WIPF1: variants seen among roughly 807,000 people sequenced by gnomAD.
WIPF1 encodes WAS/WASL-interacting protein family member 1.
A neutral mutation model predicts 35.4 loss-of-function variants in WIPF1; 13 were observed. That is an observed-to-expected ratio of 0.37 (90% confidence interval 0.24 to 0.58). The LOEUF is 0.58. Ranked by LOEUF, WIPF1 falls within the 20% of genes least tolerant of loss-of-function variation. The pLI, the probability that WIPF1 is intolerant of heterozygous loss-of-function variation, is 0.74. For missense variants in WIPF1, 591 were observed against 667.0 expected, an observed-to-expected ratio of 0.89 and a Z score of 1.25; for synonymous variants, 267 against 266.3, an observed-to-expected ratio of 1.00 and a Z score of -0.02.
intron 4 of WIPF1, chr2:174,574,964 A>AC (rs1684997162): frequency 1.4e-6 from 1 of 737,410 alleles, no homozygotes. Flanking sequence ...AAAAAAAAAA[A>AC]AATGTACAGG....
Position 174,572,013 on chromosome 2 carries a change from G to A in WIPF1, c.792C>T (p.Pro264=). The A allele has an allele frequency of 1.3e-6, 2 of 1,546,392 alleles. No homozygotes were observed. ...TGCCCACTGGAGGAGGTGGTGGAGGGGGTTTGTCATCCAAGGCCCTGCTGG... is the reference window on the plus strand; with the variant it reads ...TGCCCACTGGAGGAGGTGGTGGAGGAGGTTTGTCATCCAAGGCCCTGCTGG... ...PTPSRALDDK[P]PPPPPPVGNR... The change falls in exon 5 of 8, where the codon CCC becomes CCT. Residue 264 remains proline (P), a synonymous_variant. Coordinates refer to ENST00000679041, the MANE Select transcript of WIPF1 (RefSeq NM_001375834.1).
intron 1 of WIPF1, among the ~76,000 whole-genome samples, chr2:174,640,735 A>G (rs1468073946): frequency 2.0e-5 from 3 of 151,792 alleles, no homozygotes; most frequent in Non-Finnish European, 4.4e-5. Context: ...TACATAAGGT[A>G]TATCTCCTAA....
At chr2:174,602,580 G>A (rs1002664057), upstream of WIPF1, among the ~76,000 whole-genome samples, 3 of 152,174 alleles carry the variant, frequency 2.0e-5, no homozygotes, top group Non-Finnish European at 4.4e-5. Context: ...TGCATTAGTT[G>A]TAAGAATCTA....
At chr2:174,589,619 A>C (rs969591933) in intron 1 of WIPF1, among the ~76,000 whole-genome samples, 1 of 140,582 alleles carries the variant, frequency 7.1e-6, no homozygotes, top group Non-Finnish European at 1.6e-5. Flanking sequence ...TCAAGGGTTC[A>C]TGAACTTGTA....
chr2:174,653,659 G>A (rs542715141), intron 1 of WIPF1, among the ~76,000 whole-genome samples: 12 of 150,488 alleles, frequency 8.0e-5, no homozygotes, highest in South Asian at 2.1e-4. Context: ...GGAGAATGGC[G>A]TGAACCTGGG....
intron 1 of WIPF1, among the ~76,000 whole-genome samples, chr2:174,608,121 C>T (rs1194004502): frequency 5.9e-5 from 9 of 152,110 alleles, no homozygotes; most frequent in Admixed American, 3.3e-4. Flanking sequence ...CTCTTTCTCA[C>T]GCAGGGCTGT....
chr2:174,567,654 C>T (rs1157422821), intron 6 of WIPF1, among the ~76,000 whole-genome samples: 5 of 152,168 alleles, frequency 3.3e-5, no homozygotes, highest in Admixed American at 2.6e-4. Context: ...AAAAATGATC[C>T]GCCTTTTTGG....
chr2:174,667,380 G>C (rs1446090904), intron 1 of WIPF1, among the ~76,000 whole-genome samples: 2 of 152,116 alleles, frequency 1.3e-5, no homozygotes, highest in African/African-American at 4.8e-5. Flanking sequence ...ATCAGTCCTA[G>C]GCCAATGACA....
At chr2:174,627,509 T>C (rs957752249) in intron 1 of WIPF1, among the ~76,000 whole-genome samples, 4 of 148,448 alleles carry the variant, frequency 2.7e-5, no homozygotes, top group Admixed American at 6.7e-5. Flanking sequence ...CTCCCTTCCT[T>C]CCTTCCTTCC....
Position 174,561,362 on chromosome 2 carries a change from A to C in WIPF1, c.*1185T>G, listed in dbSNP as rs931222399. ...TTTTCCCCTCCTACCAAGCCTTCCT[A>C]GTCTCTCCCAGCCTCAGGAGCTTGC... On this transcript the variant is annotated 3_prime_UTR_variant, in exon 8 of 8. Coordinates refer to ENST00000679041, the MANE Select transcript of WIPF1 (RefSeq NM_001375834.1). The C allele has an allele frequency of 1.3e-5, 2 of 152,112 alleles. No individual in the cohort carries two copies. The highest frequency in any genetic ancestry group is 4.1e-4 in the South Asian group (2 of 4,826). The allele number at this position is 152,112 out of a possible 1,614,324, so 9.4% of individuals were successfully genotyped here.
upstream of WIPF1, among the ~76,000 whole-genome samples, chr2:174,600,137 G>A (rs79366077): frequency 1.0e-3 from 154 of 152,278 alleles, 3 homozygotes; most frequent in East Asian, 0.025. Context: ...CTCACTTCCT[G>A]CTGTGTGGCC....
At chr2:174,568,116 A>G (rs763066609) in intron 5 of WIPF1, 43 bp from the exon 6 acceptor site, 2 of 1,578,238 alleles carry the variant, frequency 1.3e-6, no homozygotes, top group South Asian at 2.3e-5. Context: ...TTACATCCAC[A>G]TTCCATTACC....
chr2:174,678,116 A>C (rs944042123), intron 1 of WIPF1, among the ~76,000 whole-genome samples: 7 of 152,200 alleles, frequency 4.6e-5, no homozygotes, highest in African/African-American at 1.7e-4. Context: ...GAAAGAAAGG[A>C]AAGAAAGATA....
chr2:174,571,769 G>T lies in WIPF1; in HGVS notation c.1036C>A (p.Pro346Thr). The T allele has an allele frequency of 6.2e-7, 1 of 1,614,226 alleles. No homozygotes were observed. The highest frequency in any genetic ancestry group is 1.1e-5 in the South Asian group (1 of 91,088). ...GAACGTCCTGGCGAAGGTAACGGGG[G>T]CGTGGACGAACTGAGGGACAGATTC... ...QRNLSLSSST[P>T]PLPSPGRSGP... The change falls in exon 5 of 8, where the codon CCC (proline) becomes ACC (threonine). Residue 346 changes from proline (P) to threonine (T), a missense_variant. This residue lies in a region of WIPF1 where 471 missense variants were observed against 501.1 expected (regional missense o/e 0.94). Coordinates refer to ENST00000679041, the MANE Select transcript of WIPF1 (RefSeq NM_001375834.1). This position sits in a 1 kb window ranked among gnomAD's most constrained non-coding sequence, Gnocchi z 4.6.
At position 174,585,426 on chromosome 2, in the gene WIPF1, G is replaced by GAATGCAAACACATTT. The variant is rs1351607109; in HGVS notation, c.51+82_51+96dup. On this transcript the variant is annotated intron_variant, in intron 2 of 7. Coordinates refer to ENST00000679041, the MANE Select transcript of WIPF1 (RefSeq NM_001375834.1). ...AGCCTGTTGTATCACATGTGAGCCA[G>GAATGCAAACACATTT]AATGCAAACACATTTAATACAAACA... The GAATGCAAACACATTT allele has an allele frequency of 2.3e-6, 3 of 1,276,862 alleles. No individual in the cohort carries two copies. The African/African-American group carries it at 4.4e-5, about 19-fold the overall frequency. 79.1% of individuals were successfully genotyped at this position (1,276,862 alleles called of 1,614,324 possible). A position where few individuals can be genotyped will look rare whatever the true frequency, so the allele number is the denominator to read the frequency against.
chr2:174,664,999 T>C (rs908783323), intron 1 of WIPF1, among the ~76,000 whole-genome samples: 2 of 152,168 alleles, frequency 1.3e-5, no homozygotes, highest in Admixed American at 6.5e-5. Context: ...TTAATAATAT[T>C]ATATTAACAA....
chr2:174,599,777 A>AAC (rs555292730), upstream of WIPF1, among the ~76,000 whole-genome samples: 2 of 107,384 alleles, frequency 1.9e-5, no homozygotes, highest in South Asian at 3.4e-4. Context: ...AGACACCCCA[A>AAC]ACACACACAC....
chr2:174,646,402 A>C (rs908467108), intron 1 of WIPF1, among the ~76,000 whole-genome samples: 12 of 152,218 alleles, frequency 7.9e-5, no homozygotes, highest in Non-Finnish European at 1.5e-4. Context: ...TACTAGTTGC[A>C]ATTAATTGCT....
At chr2:174,664,836 T>C (rs1207363861) in intron 1 of WIPF1, among the ~76,000 whole-genome samples, 1 of 152,220 alleles carries the variant, frequency 6.6e-6, no homozygotes. Context: ...TCTTGCTATG[T>C]TGCCCAGGCT....
Sources: gnomAD v4.1 joint callset for allele counts (sites outside exome capture counted in the v4.1 genomes callset) on GRCh38, gnomAD v4.1.1 for gene constraint, gnomAD v4.1.1 regional missense constraint, Gnocchi (gnomAD v3.1) non-coding constraint, MANE v1.5 for transcripts, NCBI Gene and HGNC (gene_info 2026-07-23, HGNC 2026-07-21) for gene names.